Variants in SQSTM1 observed in about 807,000 individuals in gnomAD.
SQSTM1 encodes sequestosome 1.
In SQSTM1, 36 loss-of-function variants were observed where a neutral mutation model predicts 45.1. That is an observed-to-expected ratio of 0.80 (90% CI 0.61 to 1.05). The LOEUF (loss-of-function observed/expected upper bound fraction) is 1.05. Ranked by LOEUF, SQSTM1 falls within the 50% of genes least tolerant of loss-of-function variation. SQSTM1 has a pLI of 0.00. For synonymous variants in SQSTM1, 290 were observed against 244.3 expected (o/e 1.19, Z -1.74); for missense variants, 617 against 607.1 (o/e 1.02, Z -0.17).
At chr5:179,831,844 C>T (rs1385293198) in intron 5 of SQSTM1, among the ~76,000 whole-genome samples, 1 of 150,436 alleles carries the variant, frequency 6.6e-6, no homozygotes, top group Non-Finnish European at 1.5e-5. Flanking sequence ...AGTGCAGTGG[C>T]GCCAACTTGG....
chr5:179,819,456 A>C (rs1464037332), upstream of SQSTM1, among the ~76,000 whole-genome samples: 2 of 152,172 alleles, frequency 1.3e-5, no homozygotes, highest in African/African-American at 2.4e-5. Context: ...GCGCTTCCTC[A>C]AAGCTATGTT....
At chr5:179,822,454 G>A (rs1377217959) in intron 1 of SQSTM1, 1 of 238,192 alleles carries the variant, frequency 4.2e-6, no homozygotes, top group Admixed American at 5.1e-5. Context: ...CACAAATGGA[G>A]ACTACATACA....
At position 179,829,315 on chromosome 5, in the gene SQSTM1, C is replaced by G. The variant is rs537528995; in HGVS notation, c.755-3717C>G. 1.2e-4 allele frequency among the ~76,000 whole-genome samples: 19 copies of G among 152,274 alleles called. 1 individual carries two copies. The highest frequency in any genetic ancestry group is 1.9e-4 in the Non-Finnish European group (13 of 68,022). On this transcript the variant is annotated intron_variant, in intron 5 of 7. Transcript: ENST00000389805. ...AGGTTGAATGCCCCCAGAGAAGTGTCCTACAGCTCCTGCCTGCCAGACCCC... is the reference window on the plus strand; with the variant it reads ...AGGTTGAATGCCCCCAGAGAAGTGTGCTACAGCTCCTGCCTGCCAGACCCC...
chr5:179,821,297 C>T (rs569485768), intron 1 of SQSTM1, among the ~76,000 whole-genome samples, 156 bp downstream of exon 1: 4 of 152,208 alleles, frequency 2.6e-5, no homozygotes, highest in Non-Finnish European at 4.4e-5. Context: ...CATGGGTCCC[C>T]AGTTCGGCCA....
At chr5:179,823,757 AGGGCCGG>A (rs1313623243) in intron 2 of SQSTM1, 94 bp from the exon 3 acceptor site, 3 of 1,311,204 alleles carry the variant, frequency 2.3e-6, no homozygotes, top group Non-Finnish European at 3.2e-6. Context: ...GCTGGAGAGC[AGGGCCGG>A]GGGCCTTGCT....
chr5:179,833,650 G>T lies in SQSTM1; in HGVS notation c.1033G>T (p.Glu345Ter). 1.2e-6 allele frequency: 2 copies of T among 1,614,170 alleles called. No homozygotes were observed. The highest frequency in any genetic ancestry group is 1.7e-6 in the Non-Finnish European group (2 of 1,180,032). ...TGACTGGACCCATCTGTCTTCAAAA[G>T]AAGTGGACCCGTCTACAGGTGAACT... is the stretch of plus-strand genomic sequence containing the variant. ...DDDWTHLSSK[E>*]VDPSTGELQS... The change falls in exon 7 of 8, where the codon GAA becomes TAA. Residue 345 changes from glutamate to a stop codon, truncating the protein, a stop_gained. Transcript: ENST00000389805. LOFTEE classifies it high-confidence loss of function.
intron 2 of SQSTM1, 178 bp from the exon 3 acceptor site, chr5:179,823,680 C>A (rs1444148176): frequency 7.7e-6 from 5 of 646,904 alleles, no homozygotes; most frequent in Admixed American, 2.8e-5. Flanking sequence ...GGACTGGGAA[C>A]CTCCTAGCAG....
chr5:179,836,660 T>C lies in SQSTM1; in HGVS notation c.*67T>C, dbSNP rs751025643. The C allele has an allele frequency of 6.2e-6, 10 of 1,611,006 alleles. No homozygotes were observed. In the South Asian group the frequency reaches 7.7e-5, roughly 12 times the overall value. On this transcript the variant is annotated 3_prime_UTR_variant, in exon 8 of 8. Coordinates refer to ENST00000389805, the MANE Select transcript of SQSTM1 (RefSeq NM_003900.5). Reference sequence around the variant, plus strand: ...ATAGTTGTGTTAAGCTTGCGTAGAATTGCAGGTCTCTGTACGGGCCAGTTT... The same window carrying C: ...ATAGTTGTGTTAAGCTTGCGTAGAACTGCAGGTCTCTGTACGGGCCAGTTT...
At position 179,837,762 on chromosome 5, in the gene SQSTM1, G is replaced by A; in HGVS notation, c.*1169G>A. On this transcript the variant is annotated 3_prime_UTR_variant, in exon 8 of 8. Transcript: ENST00000389805. ...CATTTAGAGGATGTGGCTGTAACCT[G>A]CTGGATGGGACTCCATAGCTCCTTC... 1 of 1,614,240 alleles carries A rather than the reference G, an allele frequency of 6.2e-7. No homozygotes were observed. Among genetic ancestry groups the A allele is most frequent in the Non-Finnish European group, 8.5e-7 (1 of 1,180,046 alleles).
At position 179,824,091 on chromosome 5, in the gene SQSTM1, A is replaced by G; in HGVS notation, c.531+4A>G. On this transcript the variant is annotated splice_donor_region_variant and intron_variant, in intron 3 of 7. Transcript: ENST00000389805. ...CCCCTTCGGGCACCTGTCTGAGGTG[A>G]GCAGGCCCTCTGTGCAGGCCTGGGG... is the stretch of plus-strand genomic sequence containing the variant. 6.2e-7 allele frequency: 1 copy of G among 1,613,850 alleles called. No individual in the cohort carries two copies. Among genetic ancestry groups the G allele is most frequent in the Non-Finnish European group, 8.5e-7 (1 of 1,180,036 alleles).
At chr5:179,827,343 C>T (rs139450314) in intron 5 of SQSTM1, among the ~76,000 whole-genome samples, 13 of 152,320 alleles carry the variant, frequency 8.5e-5, no homozygotes, top group East Asian at 5.8e-4. Context: ...GCTCTGTTGC[C>T]CAGGCTGGAG....
rs111789801 is a variant in SQSTM1, at chr5:179,833,584, C to T, written c.970-3C>T. The T allele has an allele frequency of 1.2e-6, 2 of 1,614,156 alleles. No individual in the cohort carries two copies. Among genetic ancestry groups the T allele is most frequent in the Non-Finnish European group, 8.5e-7 (1 of 1,180,028 alleles). ...TGTGTGCTCATGGTGAGTTTTGTTCCAGGAACAGATGGAGTCGGATAACTG... is the reference window on the plus strand; with the variant it reads ...TGTGTGCTCATGGTGAGTTTTGTTCTAGGAACAGATGGAGTCGGATAACTG... On this transcript the variant is annotated splice_region_variant and splice_polypyrimidine_tract_variant and intron_variant, in intron 6 of 7. Transcript: ENST00000389805.
intron 5 of SQSTM1, among the ~76,000 whole-genome samples, chr5:179,830,424 TCTCA>T (rs2113503521): frequency 6.6e-6 from 1 of 152,156 alleles, no homozygotes; most frequent in South Asian, 2.1e-4. Context: ...TGAAACCGGG[TCTCA>T]CTGTCATCTG....
chr5:179,830,711 C>T (rs1176088248), intron 5 of SQSTM1, among the ~76,000 whole-genome samples: 37 of 152,230 alleles, frequency 2.4e-4, no homozygotes, highest in Non-Finnish European at 1.2e-4. Flanking sequence ...GCACCCGCCA[C>T]CATGCCTGGC....
intron 7 of SQSTM1, among the ~76,000 whole-genome samples, chr5:179,834,462 G>A (rs1230872530): frequency 6.6e-6 from 1 of 151,806 alleles, no homozygotes; most frequent in Non-Finnish European, 1.5e-5. Flanking sequence ...TTCTCGCAGA[G>A]GGGGATTTGG....
Position 179,830,850 on chromosome 5 carries a change from C to G in SQSTM1, c.755-2182C>G, listed in dbSNP as rs376532996. Among the ~76,000 whole-genome samples the G allele has an allele frequency of 7.1e-4, 108 of 152,250 alleles. No homozygotes were observed. The East Asian group carries it at 0.02, about 28-fold the overall frequency. On this transcript the variant is annotated intron_variant, in intron 5 of 7. Coordinates refer to ENST00000389805, the MANE Select transcript of SQSTM1 (RefSeq NM_003900.5). ...GGATTACAGGCATGAGCCACTGTGC[C>G]CAGCCCCGTGCCCAGCTATTTTAAA...
chr5:179,834,237 GGGGGGGT>G (rs1305609951), intron 7 of SQSTM1, among the ~76,000 whole-genome samples: 4 of 84,074 alleles, frequency 4.8e-5, no homozygotes, highest in Admixed American at 2.1e-4. Flanking sequence ...AGGCAGCAGT[GGGGGGGT>G]GGGGGGTGGG....
At chr5:179,822,561 G>A (rs1017670452) in intron 1 of SQSTM1, 3 of 328,696 alleles carry the variant, frequency 9.1e-6, no homozygotes, top group African/African-American at 6.4e-5. Flanking sequence ...GCCTTTGTGG[G>A]GCTGGGCCCC....
upstream of SQSTM1, chr5:179,820,691 G>A (rs1445483300): frequency 9.1e-6 from 4 of 438,524 alleles, no homozygotes; most frequent in African/African-American, 6.2e-5. Flanking sequence ...GGTGCACCGG[G>A]GCAATGAAGA....
Sources: gnomAD v4.1 joint callset for allele counts (sites outside exome capture counted in the v4.1 genomes callset) on GRCh38, gnomAD v4.1.1 for gene constraint, MANE v1.5 for transcripts, NCBI Gene and HGNC (gene_info 2026-07-23, HGNC 2026-07-21) for gene names.